CTNNA2: variants seen among roughly 807,000 people sequenced by gnomAD.
CTNNA2 encodes the protein catenin alpha-2.
A neutral mutation model predicts 101.0 loss-of-function variants in CTNNA2; 42 were observed. The observed-to-expected ratio is 0.42, with a 90% CI of 0.32 to 0.54. The LOEUF (loss-of-function observed/expected upper bound fraction) is 0.54, where lower values mean the gene tolerates loss of function less well. Among genes scored for constraint, CTNNA2 ranks in the 20% least tolerant of loss-of-function variants. The pLI is 0.14. For synonymous variants in CTNNA2, 450 were observed against 456.4 expected (o/e 0.99, Z 0.18); for missense variants, 871 against 1,223.1 (o/e 0.71, Z 4.29).
Position 79,909,703 on chromosome 2 carries a change from C to T in CTNNA2, c.962C>T (p.Ser321Phe), listed in dbSNP as rs13004023. 1.2e-6 allele frequency: 2 copies of T among 1,614,012 alleles called. No individual in the cohort carries two copies. Among genetic ancestry groups the T allele is most frequent in the Non-Finnish European group, 1.7e-6 (2 of 1,179,954 alleles). Residue 321 changes from serine to phenylalanine, a missense_variant, in exon 7 of 19, where the codon TCC becomes TTC. Physicochemically the swap from Ser to Phe is radical, Grantham distance 155. Coordinates refer to ENST00000402739, the MANE Select transcript of CTNNA2 (RefSeq NM_001282597.3). ...GGCGCAGCGCTGATGGCCGACTCCT[C>T]CTGCACGCGAGACGACCGGCGCGAG... ...ISGAALMADS[S>F]CTRDDRRERI...
intron 15 of CTNNA2, among the ~76,000 whole-genome samples, chr2:80,596,672 TTTTC>T (rs1217446337): frequency 2.0e-5 from 3 of 152,104 alleles, no homozygotes; most frequent in African/African-American, 7.2e-5. Context: ...ATTTGACTTC[TTTTC>T]TTTCTATTTG....
chr2:79,872,196 T>C (rs1045772036), intron 5 of CTNNA2, among the ~76,000 whole-genome samples: 1 of 152,184 alleles, frequency 6.6e-6, no homozygotes, highest in Non-Finnish European at 1.5e-5. Flanking sequence ...GGAAAACTAA[T>C]TTTAATTATC....
At chr2:79,449,370 C>G (rs1190832699) in intron 4 of CTNNA2, among the ~76,000 whole-genome samples, 1 of 151,886 alleles carries the variant, frequency 6.6e-6, no homozygotes, top group Non-Finnish European at 1.5e-5. Context: ...GGGTCTCATG[C>G]CAACATCAGA....
At chr2:79,394,715 T>C (rs530938466) in intron 4 of CTNNA2, among the ~76,000 whole-genome samples, 3 of 152,332 alleles carry the variant, frequency 2.0e-5, no homozygotes, top group Admixed American at 2.0e-4. Flanking sequence ...TATCCTACCC[T>C]TTGGCCAAAG....
intron 7 of CTNNA2, among the ~76,000 whole-genome samples, chr2:80,137,180 G>T (rs994369259): frequency 2.0e-5 from 3 of 152,082 alleles, no homozygotes; most frequent in Non-Finnish European, 4.4e-5. Context: ...ATCTTATAAG[G>T]CAGAATACAG....
intron 2 of CTNNA2, among the ~76,000 whole-genome samples, chr2:79,272,125 C>A (rs111576417): frequency 4.6e-5 from 7 of 152,122 alleles, no homozygotes; most frequent in African/African-American, 1.4e-4. Context: ...CTAAGACTTA[C>A]GATACCCCTT....
Position 79,375,460 on chromosome 2 carries a change from G to T in CTNNA2, c.-135+1447G>T, listed in dbSNP as rs527602523. 4.6e-5 allele frequency among the ~76,000 whole-genome samples: 7 copies of T among 152,226 alleles called. No individual in the cohort carries two copies. The South Asian group carries it at 1.5e-3, about 32-fold the overall frequency. ...TAATTTAGAAGAAAGAGTCCTCAAAGATCATGCATTAATTGATTCAATAAA... is the reference window on the plus strand; with the variant it reads ...TAATTTAGAAGAAAGAGTCCTCAAATATCATGCATTAATTGATTCAATAAA... On this transcript the variant is annotated intron_variant, in intron 4 of 21. Coordinates refer to the CTNNA2 transcript ENST00000466387.
intron 4 of CTNNA2, among the ~76,000 whole-genome samples, chr2:79,866,127 G>A (rs924998363): frequency 1.3e-5 from 2 of 152,214 alleles, no homozygotes; most frequent in African/African-American, 2.4e-5. Context: ...AATAATAGGA[G>A]TAGACAGGCT....
intron 9 of CTNNA2, among the ~76,000 whole-genome samples, chr2:80,436,958 G>A (rs1398697767): frequency 1.3e-5 from 2 of 152,192 alleles, no homozygotes; most frequent in Non-Finnish European, 2.9e-5. Context: ...CTAATTCCCA[G>A]AGTGATAGTA....
At chr2:80,635,587 G>A (rs530343006) in intron 18 of CTNNA2, among the ~76,000 whole-genome samples, 1 of 152,112 alleles carries the variant, frequency 6.6e-6, no homozygotes. Flanking sequence ...AATTATGTGA[G>A]GAGAAATTAT....
chr2:80,221,694 G>T (rs893766969), intron 7 of CTNNA2, among the ~76,000 whole-genome samples: 1 of 152,142 alleles, frequency 6.6e-6, no homozygotes, highest in Non-Finnish European at 1.5e-5. Context: ...TGGATCCGAT[G>T]CTGCACTACC....
chr2:80,580,347 G>T (rs942319476), intron 13 of CTNNA2, among the ~76,000 whole-genome samples: 2 of 152,120 alleles, frequency 1.3e-5, no homozygotes, highest in Non-Finnish European at 2.9e-5. Context: ...TGACTTTATA[G>T]ATTGGAAAGG....
At chr2:80,634,236 G>T (rs62152018) in intron 18 of CTNNA2, among the ~76,000 whole-genome samples, 6,807 of 152,194 alleles carry the variant, frequency 0.045, 155 homozygotes, top group Non-Finnish European at 0.057. Context: ...AATAGAGAAA[G>T]AATGGCAAAT....
chr2:80,042,682 A>G (rs1270556822), intron 7 of CTNNA2, among the ~76,000 whole-genome samples: 2 of 152,218 alleles, frequency 1.3e-5, no homozygotes, highest in Non-Finnish European at 2.9e-5. Context: ...GAAGAGCAAC[A>G]ATACTCATGT....
intron 3 of CTNNA2, among the ~76,000 whole-genome samples, chr2:79,766,056 G>C (rs1673128641): frequency 6.6e-6 from 1 of 152,198 alleles, no homozygotes; most frequent in Admixed American, 6.5e-5. Flanking sequence ...GATAAGAGTA[G>C]TTTACACACC....
intron 2 of CTNNA2, among the ~76,000 whole-genome samples, chr2:79,243,477 C>G (rs1245266239): frequency 6.6e-6 from 1 of 152,146 alleles, no homozygotes; most frequent in Non-Finnish European, 1.5e-5. Flanking sequence ...TCGCCCCTGT[C>G]CTGTTTCAAA....
rs1053978269 is a variant in CTNNA2 at position 79,561,053 on chromosome 2, C to G, written c.-6+47846C>G. Among the ~76,000 whole-genome samples, 3 of 151,844 alleles carry G rather than the reference C, an allele frequency of 2.0e-5. No homozygotes were observed. In the South Asian group the frequency reaches 6.2e-4, roughly 31 times the overall value. On this transcript the variant is annotated intron_variant, in intron 1 of 18. Coordinates refer to ENST00000402739, the MANE Select transcript of CTNNA2 (RefSeq NM_001282597.3). The stretch of plus-strand genomic sequence containing the variant: ...TAATTCCAGAATATTTTCCTTACCC[C>G]CAAAAGAAACCCCATACATAATAGC...
At chr2:79,879,876 A>T (rs1425789515) in intron 6 of CTNNA2, among the ~76,000 whole-genome samples, 1 of 152,106 alleles carries the variant, frequency 6.6e-6, no homozygotes, top group Admixed American at 6.5e-5. Context: ...GTGGTGAGAG[A>T]GGGCAGTTTT....
chr2:79,581,185 G>A (rs992517257), intron 1 of CTNNA2, among the ~76,000 whole-genome samples: 4 of 152,200 alleles, frequency 2.6e-5, no homozygotes, highest in Non-Finnish European at 5.9e-5. Flanking sequence ...ATATGGTCCT[G>A]TGGTTATTCT....
Sources: allele counts gnomAD v4.1 joint callset (sites outside exome capture counted in the v4.1 genomes callset), GRCh38; gene constraint gnomAD v4.1.1; transcripts MANE v1.5; gene names NCBI Gene and HGNC (gene_info 2026-07-23, HGNC 2026-07-21).